SCN9A: variants seen among roughly 807,000 people sequenced by gnomAD.
SCN9A encodes sodium channel protein type 9 subunit alpha.
A neutral mutation model predicts 187.0 loss-of-function variants in SCN9A; 131 were observed. That is an observed-to-expected ratio of 0.70 (90% CI 0.61 to 0.81). The LOEUF is 0.81. SCN9A is among the 30% of genes least tolerant of loss of function. SCN9A has a pLI of 0.00. For synonymous variants in SCN9A, 809 were observed against 808.6 expected, an observed-to-expected ratio of 1.00 and a Z score of -0.01; for missense variants, 2,252 against 2,396.6, an observed-to-expected ratio of 0.94 and a Z score of 1.26.
chr2:166,304,123 C>G (rs1698671815), intron 6 of SCN9A, 115 bp downstream of exon 6: 4 of 1,613,492 alleles, frequency 2.5e-6, no homozygotes, highest in Non-Finnish European at 2.5e-6. Context: ...TGTCACATAT[C>G]TGTAATAGGG....
chr2:166,304,211 T>C (rs766704428), intron 6 of SCN9A, 27 bp downstream of exon 6: 5 of 1,610,778 alleles, frequency 3.1e-6, no homozygotes, highest in Non-Finnish European at 3.4e-6. Context: ...ATGAGTGGCC[T>C]AATGCTTCAC....
At chr2:166,248,090 G>C (rs1030012118) in intron 18 of SCN9A, 1 of 152,108 alleles carries the variant, frequency 6.6e-6, no homozygotes, top group Non-Finnish European at 1.5e-5. Context: ...ACAAATGTGA[G>C]ACTATGAACA....
intron 1 of SCN9A, among the ~76,000 whole-genome samples, chr2:166,343,003 C>A (rs986827149): frequency 1.3e-5 from 2 of 152,150 alleles, no homozygotes; most frequent in Non-Finnish European, 2.9e-5. Flanking sequence ...AACTAGCATT[C>A]TTTCAACATC....
rs1697651347 is a variant in SCN9A at position 166,284,651 on chromosome 2, G to A, written c.1776C>T (p.His592=). 6.2e-7 allele frequency: 1 copy of A among 1,613,980 alleles called. No individual in the cohort carries two copies. Among genetic ancestry groups the A allele is most frequent in the Non-Finnish European group, 8.5e-7 (1 of 1,179,882 alleles). The change falls in exon 12 of 27, where the codon CAC becomes CAT. Residue 592 remains histidine (H), a synonymous_variant. Transcript: ENST00000642356. ...ESRRGSLFVP[H]RPQERRSSNI... ...TACTGCTGCGTCGCTCCTGGGGTCT[G>A]TGGGGCACAAACAGTGAGCCCCTTC... is the stretch of plus-strand genomic sequence containing the variant.
intron 23 of SCN9A, among the ~76,000 whole-genome samples, 160 bp downstream of exon 23, chr2:166,227,510 C>T (rs1694888858): frequency 2.0e-5 from 3 of 152,190 alleles, no homozygotes; most frequent in Admixed American, 6.5e-5. Context: ...GGCTCTATCT[C>T]CAACTGCTGT....
intron 1 of SCN9A, among the ~76,000 whole-genome samples, chr2:166,318,763 A>T (rs1205763700): frequency 6.6e-6 from 1 of 152,160 alleles, no homozygotes; most frequent in African/African-American, 2.4e-5. Flanking sequence ...GGTGCTAGAA[A>T]CGTTCTATAC....
At chr2:166,357,890 G>C (rs1700187513) in intron 1 of SCN9A, among the ~76,000 whole-genome samples, 2 of 151,868 alleles carry the variant, frequency 1.3e-5, no homozygotes, top group African/African-American at 4.8e-5. Flanking sequence ...GGAGGTTATT[G>C]GTATATTGGT....
chr2:166,372,823 T>C (rs1304578814), intron 1 of SCN9A, among the ~76,000 whole-genome samples: 4 of 152,140 alleles, frequency 2.6e-5, no homozygotes, highest in Non-Finnish European at 5.9e-5. Flanking sequence ...ACGAACCCCC[T>C]ACTACTTGAT....
chr2:166,205,802 T>G (rs1342554594), intron 24 of SCN9A, among the ~76,000 whole-genome samples: 1 of 151,298 alleles, frequency 6.6e-6, no homozygotes, highest in African/African-American at 2.4e-5. Flanking sequence ...ACAAAGAACT[T>G]AAACAAATTT....
chr2:166,229,780 A>G (rs562386944), intron 21 of SCN9A, among the ~76,000 whole-genome samples: 5 of 152,248 alleles, frequency 3.3e-5, no homozygotes, highest in African/African-American at 1.2e-4. Context: ...GCTATTGATC[A>G]CCAGTTTGTC....
chr2:166,355,442 A>G (rs1281918057), intron 1 of SCN9A, among the ~76,000 whole-genome samples: 1 of 151,956 alleles, frequency 6.6e-6, no homozygotes, highest in Non-Finnish European at 1.5e-5. Flanking sequence ...TTCTTTGGTC[A>G]GTGTCTTTAG....
At chr2:166,375,034 C>A (rs1289212482) in intron 1 of SCN9A, among the ~76,000 whole-genome samples, 1 of 152,048 alleles carries the variant, frequency 6.6e-6, no homozygotes, top group Non-Finnish European at 1.5e-5. Flanking sequence ...CGAAAATATC[C>A]ATTTTTTCCT....
intron 24 of SCN9A, 183 bp from the exon 25 acceptor site, chr2:166,204,647 C>T: frequency 2.6e-6 from 1 of 379,686 alleles, no homozygotes; most frequent in Admixed American, 4.1e-5. Context: ...CATGGGTCTC[C>T]AAACACAGTT....
Position 166,278,217 on chromosome 2 carries a change from G to C in SCN9A, c.2440C>G (p.Leu814Val), listed in dbSNP as rs550245159. 10 of 1,612,868 alleles carry C rather than the reference G, an allele frequency of 6.2e-6. No individual in the cohort carries two copies. The highest frequency in any genetic ancestry group is 2.7e-5 in the African/African-American group (2 of 74,958). ...TCCACTAAACTTAAAGTCACAATAA[G>C]GCTGTCAAAAATATTCCAGCCTACT... ...FQVGWNIFDSLIVTLSLVELF... is the reference protein window; with the variant it reads ...FQVGWNIFDSVIVTLSLVELF... The change falls in exon 15 of 27, where the codon CTT becomes GTT. Residue 814 changes from leucine to valine, a missense_variant. By Grantham distance (32) the Leu-to-Val change is conservative (BLOSUM62 1). This residue lies in a region of SCN9A where 1,013 missense variants were observed against 997.4 expected (regional missense o/e 1.02). Transcript: ENST00000642356.
At chr2:166,315,462 A>ACC (rs1178605771) in intron 1 of SCN9A, among the ~76,000 whole-genome samples, 2 of 152,198 alleles carry the variant, frequency 1.3e-5, no homozygotes, top group Non-Finnish European at 2.9e-5. Context: ...AGGGTGGTCA[A>ACC]TGCTAGTGGT....
At chr2:166,347,101 T>C (rs572723257) in intron 1 of SCN9A, among the ~76,000 whole-genome samples, 1 of 152,336 alleles carries the variant, frequency 6.6e-6, no homozygotes, top group Non-Finnish European at 1.5e-5. Flanking sequence ...ACAGTGATGC[T>C]GAACTAATAA....
At chr2:166,270,814 C>G (rs1028910120) in intron 17 of SCN9A, among the ~76,000 whole-genome samples, 15 of 150,544 alleles carry the variant, frequency 1.0e-4, no homozygotes, top group African/African-American at 3.7e-4. Flanking sequence ...ATCTCGTTTT[C>G]CAAGTCCACT....
chr2:166,355,481 T>G (rs1314848426), intron 1 of SCN9A, among the ~76,000 whole-genome samples: 9 of 152,084 alleles, frequency 5.9e-5, no homozygotes, highest in Admixed American at 5.9e-4. Flanking sequence ...ATTGAAATAT[T>G]CATTATTTTC....
chr2:166,214,451 C>T (rs1694232807), intron 24 of SCN9A, among the ~76,000 whole-genome samples: 1 of 151,932 alleles, frequency 6.6e-6, no homozygotes, highest in African/African-American at 2.4e-5. Context: ...TAACATTCCC[C>T]ACGCCTTCTT....
Sources: allele counts gnomAD v4.1 joint callset (sites outside exome capture counted in the v4.1 genomes callset), GRCh38; gene constraint gnomAD v4.1.1; regional missense constraint gnomAD v4.1.1; transcripts MANE v1.5; gene names NCBI Gene and HGNC (gene_info 2026-07-23, HGNC 2026-07-21).